The following ABCB1 variants were observed in gnomAD, a reference collection of about 807,000 sequenced individuals.
ABCB1 encodes the protein ATP-dependent translocase ABCB1.
Under a neutral mutation model 142.0 loss-of-function variants are expected in ABCB1, and 69 were observed. That is an observed-to-expected ratio of 0.49 (90% confidence interval 0.40 to 0.59). The LOEUF (loss-of-function observed/expected upper bound fraction) is 0.59, where lower values mean the gene tolerates loss of function less well. Among genes scored for constraint, ABCB1 ranks in the 20% least tolerant of loss-of-function variants. The pLI, the probability that ABCB1 is intolerant of heterozygous loss-of-function variation, is 0.00. For synonymous variants in ABCB1, 532 were observed against 539.2 expected (o/e 0.99, Z 0.18); for missense variants, 1,326 against 1,554.7 (o/e 0.85, Z 2.47).
rs188446514 is a variant in ABCB1, at chr7:87,687,142, A to G, written c.-331+26019T>C. On this transcript the variant is annotated intron_variant, in intron 1 of 28. Coordinates refer to the ABCB1 transcript ENST00000265724. The stretch of plus-strand genomic sequence containing the variant: ...GACTCACATTCAGTTTAGATTTTAT[A>G]TTGATTCTTAATATTTTTTCAGTTA... 1.2e-3 allele frequency among the ~76,000 whole-genome samples: 180 copies of G among 152,204 alleles called. 3 individuals are homozygous for G. The highest frequency in any genetic ancestry group is 1.2e-3 in the Non-Finnish European group (81 of 68,004).
intron 25 of ABCB1, 109 bp downstream of exon 25, chr7:87,515,122 A>G (rs954679653): frequency 7.4e-7 from 1 of 1,349,994 alleles, no homozygotes; most frequent in Non-Finnish European, 1.0e-6. Context: ...TCCAAGTGGG[A>G]CTGTTGTTTA....
intron 8 of ABCB1, among the ~76,000 whole-genome samples, chr7:87,560,111 AC>A (rs1333998774): frequency 6.6e-6 from 1 of 151,878 alleles, no homozygotes; most frequent in Admixed American, 6.6e-5. Context: ...TAACCTTACC[AC>A]CCCCATTAGA....
At chr7:87,550,996 TAACA>T (rs1817041085) in intron 9 of ABCB1, among the ~76,000 whole-genome samples, 158 bp from the exon 10 acceptor site, 1 of 152,180 alleles carries the variant, frequency 6.6e-6, no homozygotes, top group Admixed American at 6.5e-5. Flanking sequence ...AGTTTGTAAC[TAACA>T]GTACATTTAA....
chr7:87,637,350 G>A (rs1425986995), intron 1 of ABCB1, among the ~76,000 whole-genome samples: 1 of 152,062 alleles, frequency 6.6e-6, no homozygotes, highest in Non-Finnish European at 1.5e-5. Context: ...CTTGATGTGT[G>A]GTAATATAAG....
chr7:87,645,790 G>A (rs1822944429), intron 1 of ABCB1, among the ~76,000 whole-genome samples: 1 of 152,150 alleles, frequency 6.6e-6, no homozygotes, highest in African/African-American at 2.4e-5. Context: ...CTCATGACTA[G>A]CTATATGATT....
intron 1 of ABCB1, among the ~76,000 whole-genome samples, chr7:87,620,139 C>T (rs1203124563): frequency 6.6e-6 from 1 of 151,854 alleles, no homozygotes; most frequent in Non-Finnish European, 1.5e-5. Context: ...GTGAGTAACT[C>T]ATTTTTTTCT....
chr7:87,667,067 A>G (rs1825330833), intron 1 of ABCB1, among the ~76,000 whole-genome samples: 1 of 152,190 alleles, frequency 6.6e-6, no homozygotes, highest in African/African-American at 2.4e-5. Context: ...TTGAATCTAT[A>G]AATTGCTTTG....
At position 87,619,294 on chromosome 7, in the gene ABCB1, C is replaced by A. The variant is rs527625120; in HGVS notation, c.-330-18216G>T. ...GTGGCTCACACCCATAATCTCAGCA[C>A]TTTGGGAGGCCAAGTGGGCAGATCA... is the stretch of plus-strand genomic sequence containing the variant. On this transcript the variant is annotated intron_variant, in intron 1 of 28. Coordinates refer to the ABCB1 transcript ENST00000265724. 9.6e-4 allele frequency among the ~76,000 whole-genome samples: 146 copies of A among 152,224 alleles called. 5 individuals carry two copies. In the South Asian group the frequency reaches 0.029, roughly 30 times the overall value.
intron 1 of ABCB1, among the ~76,000 whole-genome samples, chr7:87,700,019 T>A (rs979806057): frequency 1.3e-5 from 2 of 152,198 alleles, no homozygotes; most frequent in Non-Finnish European, 2.9e-5. Flanking sequence ...TTCTGTTTTT[T>A]TAAATAGAGA....
intron 5 of ABCB1, among the ~76,000 whole-genome samples, chr7:87,567,646 T>C (rs890764277): frequency 6.6e-6 from 1 of 152,218 alleles, no homozygotes; most frequent in African/African-American, 2.4e-5. Flanking sequence ...CAACTGGCCA[T>C]CGTGAGTTAT....
At chr7:87,702,097 C>G (rs1046186651) in intron 1 of ABCB1, among the ~76,000 whole-genome samples, 11 of 130,858 alleles carry the variant, frequency 8.4e-5, no homozygotes, top group Admixed American at 3.4e-4. Context: ...GAGCAGAGAT[C>G]GCGCCACTGC....
chr7:87,639,508 T>G (rs894719747), intron 1 of ABCB1, among the ~76,000 whole-genome samples: 6 of 152,208 alleles, frequency 3.9e-5, no homozygotes, highest in African/African-American at 1.4e-4. Flanking sequence ...CCTCTATGAC[T>G]GTAGATTTGT....
At chr7:87,509,954 C>T (rs1229889048) in intron 25 of ABCB1, among the ~76,000 whole-genome samples, 7 of 152,110 alleles carry the variant, frequency 4.6e-5, no homozygotes, top group Admixed American at 4.6e-4. Flanking sequence ...AAAGACTCAA[C>T]CAGCCACTGC....
rs748646739 is a variant in ABCB1 at position 87,520,810 on chromosome 7, G to A, written c.2752C>T (p.His918Tyr). 1.9e-6 allele frequency: 3 copies of A among 1,613,936 alleles called. No homozygotes were observed. Among genetic ancestry groups the A allele is most frequent in the Middle Eastern group, 1.7e-4 (1 of 6,058 alleles). Reference protein sequence around the residue: ...VSLTQEQKFEHMYAQSLQVPY... With the variant: ...VSLTQEQKFEYMYAQSLQVPY... ...ACCTGCAAACTCTGAGCATACATAT[G>A]TTCAAACTTCTGCTCCTGAGTCAAA... The change falls in exon 22 of 28, where the codon CAT becomes TAT. Residue 918 changes from histidine to tyrosine, a missense_variant. By Grantham distance (83) the His-to-Tyr change is moderately conservative. Transcript: ENST00000622132.
chr7:87,598,654 C>T (rs990551654), intron 2 of ABCB1, among the ~76,000 whole-genome samples: 1 of 152,188 alleles, frequency 6.6e-6, no homozygotes, highest in Non-Finnish European at 1.5e-5. Context: ...TTCTCTACCT[C>T]TCACACTTTC....
intron 13 of ABCB1, 30 bp from the exon 14 acceptor site, chr7:87,549,548 A>C: frequency 6.2e-7 from 1 of 1,614,160 alleles, no homozygotes; most frequent in South Asian, 1.1e-5. Context: ...ATGATTTAGC[A>C]TAAGGACAAG....
chr7:87,711,941 G>T (rs1261097776), intron 1 of ABCB1, among the ~76,000 whole-genome samples: 1 of 152,068 alleles, frequency 6.6e-6, no homozygotes, highest in Non-Finnish European at 1.5e-5. Context: ...TAAGCACAAA[G>T]AAATCATATC....
intron 1 of ABCB1, among the ~76,000 whole-genome samples, chr7:87,680,024 CT>C (rs1346987945): frequency 6.6e-6 from 1 of 150,456 alleles, no homozygotes; most frequent in Non-Finnish European, 1.5e-5. Context: ...TATCCCTACC[CT>C]AGCCACCCAC....
chr7:87,651,973 G>C (rs1353208475), intron 1 of ABCB1, among the ~76,000 whole-genome samples: 1 of 151,886 alleles, frequency 6.6e-6, no homozygotes, highest in Non-Finnish European at 1.5e-5. Flanking sequence ...TTGCTGTTCT[G>C]TGTTTCCTAA....
Sources: gnomAD v4.1 joint callset for allele counts (sites outside exome capture counted in the v4.1 genomes callset) on GRCh38, gnomAD v4.1.1 for gene constraint, MANE v1.5 for transcripts, NCBI Gene and HGNC (gene_info 2026-07-23, HGNC 2026-07-21) for gene names.